Variants in KLF12 observed in about 807,000 individuals in gnomAD.
The protein encoded by KLF12 is KLF transcription factor 12.
In KLF12, 9 loss-of-function variants were observed where a neutral mutation model predicts 37.8. The ratio of observed to expected loss-of-function variants is 0.24; its 90% CI spans 0.14 to 0.42. The LOEUF is 0.42. KLF12 is among the 10% of genes least tolerant of loss of function. KLF12 has a pLI of 1.00. For missense variants in KLF12, 411 were observed against 516.0 expected (o/e 0.80, Z 1.97); for synonymous variants, 208 against 202.1 (o/e 1.03, Z -0.25).
At chr13:73,879,383 A>G (rs1247522963) in intron 3 of KLF12, among the ~76,000 whole-genome samples, 1 of 152,158 alleles carries the variant, frequency 6.6e-6, no homozygotes, top group Admixed American at 6.5e-5. Context: ...TTCCACCCCA[A>G]CGTTATGAAT....
chr13:73,712,338 CAAAA>C (rs752694466), intron 7 of KLF12, among the ~76,000 whole-genome samples: 3 of 42,052 alleles, frequency 7.1e-5, no homozygotes, highest in South Asian at 9.8e-4. Context: ...AACTCCATGT[CAAAA>C]AAAAAAAAAA....
intron 1 of KLF12, among the ~76,000 whole-genome samples, chr13:74,120,378 C>G (rs1237448701): frequency 6.6e-6 from 1 of 151,976 alleles, no homozygotes; most frequent in Non-Finnish European, 1.5e-5. Flanking sequence ...TACTCAGGAG[C>G]GTGAGCCATG....
chr13:74,280,493 T>C, the KLF12 span, among the ~76,000 whole-genome samples: 1 of 152,214 alleles, frequency 6.6e-6, no homozygotes, highest in African/African-American at 2.4e-5. Context: ...TACACATCTA[T>C]ACACAGATTG....
At chr13:74,123,619 T>C (rs1219186942) in intron 1 of KLF12, among the ~76,000 whole-genome samples, 2 of 152,328 alleles carry the variant, frequency 1.3e-5, no homozygotes, top group East Asian at 3.9e-4. Context: ...GGTCAACGGG[T>C]TGATCTCTCT....
At chr13:74,277,505 A>C in the KLF12 span, among the ~76,000 whole-genome samples, 1 of 152,236 alleles carries the variant, frequency 6.6e-6, no homozygotes, top group Admixed American at 6.5e-5. Context: ...AGAATACAAA[A>C]ATGAATAAGA....
At chr13:73,963,420 C>T (rs1286858762) in intron 2 of KLF12, among the ~76,000 whole-genome samples, 2 of 151,882 alleles carry the variant, frequency 1.3e-5, no homozygotes, top group Non-Finnish European at 2.9e-5. Flanking sequence ...GAAAAACCAT[C>T]GCAGGCATTG....
chr13:73,857,653 T>C (rs1254741554), intron 3 of KLF12, among the ~76,000 whole-genome samples: 1 of 152,204 alleles, frequency 6.6e-6, no homozygotes, highest in Non-Finnish European at 1.5e-5. Context: ...GATGTCTATA[T>C]GGATGCGTAA....
chr13:73,799,619 T>C (rs1277501237), intron 5 of KLF12, among the ~76,000 whole-genome samples: 1 of 152,132 alleles, frequency 6.6e-6, no homozygotes, highest in Admixed American at 6.6e-5. Flanking sequence ...GAAAAATTAA[T>C]ATTTTCACCC....
intron 2 of KLF12, among the ~76,000 whole-genome samples, chr13:73,959,134 C>T (rs115690435): frequency 0.041 from 1,096 of 26,680 alleles, 45 homozygotes; most frequent in African/African-American, 0.086. Flanking sequence ...CAAAAAAAAA[C>T]GCAGGCAAGA....
At chr13:74,080,425 G>C (rs1165162592) in intron 1 of KLF12, among the ~76,000 whole-genome samples, 1 of 152,020 alleles carries the variant, frequency 6.6e-6, no homozygotes, top group Non-Finnish European at 1.5e-5. Flanking sequence ...TCAAGTCTGG[G>C]TGACAAAGTG....
chr13:73,761,831 G>T (rs904960572), intron 6 of KLF12, among the ~76,000 whole-genome samples: 10 of 152,160 alleles, frequency 6.6e-5, no homozygotes, highest in African/African-American at 2.4e-4. Flanking sequence ...AGAAAGGAAG[G>T]CATGCTCACT....
At chr13:74,037,882 C>A (rs1279367470) in intron 1 of KLF12, among the ~76,000 whole-genome samples, 1 of 152,128 alleles carries the variant, frequency 6.6e-6, no homozygotes, top group Non-Finnish European at 1.5e-5. Flanking sequence ...ATAGTTAATG[C>A]AGAAGCTAAT....
chr13:74,025,007 C>A (rs1014803409), intron 1 of KLF12, among the ~76,000 whole-genome samples: 4 of 152,248 alleles, frequency 2.6e-5, no homozygotes, highest in Admixed American at 1.3e-4. Context: ...GAAAAAAAAT[C>A]TCTTCTATTT....
intron 2 of KLF12, among the ~76,000 whole-genome samples, chr13:73,992,427 A>C (rs1891992977): frequency 6.6e-6 from 1 of 152,236 alleles, no homozygotes; most frequent in East Asian, 1.9e-4. Flanking sequence ...TAATGAAGTA[A>C]AGAAAAACTT....
intron 6 of KLF12, among the ~76,000 whole-genome samples, chr13:73,729,747 TG>T (rs1166179871): frequency 1.3e-5 from 2 of 152,228 alleles, no homozygotes; most frequent in African/African-American, 4.8e-5. Context: ...CAGTCAGCTG[TG>T]TAGGTATTTT....
intron 3 of KLF12, among the ~76,000 whole-genome samples, chr13:73,863,083 AT>A (rs1474156802): frequency 1.3e-5 from 2 of 152,110 alleles, no homozygotes; most frequent in African/African-American, 4.8e-5. Flanking sequence ...ATTCCAGCAG[AT>A]TTACCACCAT....
At chr13:74,218,814 C>T in the KLF12 span, among the ~76,000 whole-genome samples, 1 of 152,044 alleles carries the variant, frequency 6.6e-6, no homozygotes, top group Non-Finnish European at 1.5e-5. Flanking sequence ...TTCTTAAAAG[C>T]TTTTGTTTTT....
intron 5 of KLF12, among the ~76,000 whole-genome samples, chr13:73,773,751 C>T (rs1427723962): frequency 6.6e-6 from 1 of 152,142 alleles, no homozygotes; most frequent in Non-Finnish European, 1.5e-5. Flanking sequence ...GCCCGAATGC[C>T]TATCAGCCAG....
chr13:73,939,909 C>T (rs935782395), intron 3 of KLF12, among the ~76,000 whole-genome samples: 1 of 152,146 alleles, frequency 6.6e-6, no homozygotes, highest in Non-Finnish European at 1.5e-5. Flanking sequence ...TGTCTCACCC[C>T]TTGCTCCTCA....
Sources: allele counts gnomAD v4.1 joint callset (sites outside exome capture counted in the v4.1 genomes callset), GRCh38; gene constraint gnomAD v4.1.1; transcripts MANE v1.5; gene names NCBI Gene and HGNC (gene_info 2026-07-23, HGNC 2026-07-21).